Variants in PTPRD observed in about 807,000 individuals in gnomAD.
PTPRD encodes receptor-type tyrosine-protein phosphatase delta.
Under a neutral mutation model 214.5 loss-of-function variants are expected in PTPRD, and 34 were observed. That is an observed-to-expected ratio of 0.16 (90% CI 0.12 to 0.21). PTPRD has a LOEUF of 0.21. Among genes scored for constraint, PTPRD ranks in the 10% least tolerant of loss-of-function variants. The pLI is 1.00. For missense variants in PTPRD, 2,545 were observed against 2,398.7 expected, an observed-to-expected ratio of 1.06 and a Z score of -1.27; for synonymous variants, 1,128 against 845.7, an observed-to-expected ratio of 1.33 and a Z score of -5.79.
chr9:9,937,296 A>T (rs990780445), intron 5 of PTPRD, among the ~76,000 whole-genome samples: 10 of 151,572 alleles, frequency 6.6e-5, no homozygotes, highest in Admixed American at 2.0e-4. Context: ...TTTTTTCTCT[A>T]TATACACATA....
chr9:8,554,144 T>C (rs7857099), intron 14 of PTPRD, among the ~76,000 whole-genome samples: 78,713 of 151,890 alleles, frequency 0.52, 23,980 homozygotes, highest in African/African-American at 0.87. Context: ...GCCAAGATCA[T>C]GCCATTGCAT....
At chr9:10,006,186 A>G (rs1296404007) in intron 4 of PTPRD, among the ~76,000 whole-genome samples, 1 of 152,076 alleles carries the variant, frequency 6.6e-6, no homozygotes, top group Non-Finnish European at 1.5e-5. Flanking sequence ...ACCTGGAAAA[A>G]TAATCATACA....
intron 2 of PTPRD, among the ~76,000 whole-genome samples, chr9:10,491,562 T>A (rs1459216297): frequency 2.6e-5 from 4 of 151,906 alleles, no homozygotes; most frequent in Admixed American, 2.0e-4. Context: ...TGGTTAAAAT[T>A]ATAAAGGGCC....
At chr9:8,327,361 T>C (rs1259362351) in intron 44 of PTPRD, among the ~76,000 whole-genome samples, 2 of 151,820 alleles carry the variant, frequency 1.3e-5, no homozygotes, top group South Asian at 4.2e-4. Flanking sequence ...TTTTTTTAAA[T>C]CTTGAGTTCT....
chr9:8,962,900 T>C (rs550184004), intron 11 of PTPRD: 17 of 152,248 alleles, frequency 1.1e-4, no homozygotes, highest in African/African-American at 3.8e-4. Context: ...TGAATACTCC[T>C]TTAACCGGCA....
At chr9:8,707,246 T>G (rs576954279) in intron 12 of PTPRD, among the ~76,000 whole-genome samples, 1 of 152,184 alleles carries the variant, frequency 6.6e-6, no homozygotes, top group Non-Finnish European at 1.5e-5. Context: ...ACAAGGTCAC[T>G]TGAATAATTC....
intron 11 of PTPRD, among the ~76,000 whole-genome samples, chr9:8,870,553 C>T (rs12002381): frequency 0.093 from 14,164 of 152,124 alleles, 1,388 homozygotes; most frequent in African/African-American, 0.25. Context: ...GTAATGCCCT[C>T]GTGTGTAACA....
At chr9:9,601,778 T>C (rs2093787754) in intron 7 of PTPRD, among the ~76,000 whole-genome samples, 1 of 151,986 alleles carries the variant, frequency 6.6e-6, no homozygotes, top group African/African-American at 2.4e-5. Flanking sequence ...TTACAGCAGG[T>C]GGAGCAGACC....
intron 11 of PTPRD, among the ~76,000 whole-genome samples, chr9:8,814,886 T>A (rs2096888932): frequency 6.6e-6 from 1 of 152,340 alleles, no homozygotes; most frequent in East Asian, 1.9e-4. Context: ...GTTTTATTTA[T>A]AATGTGCATT....
intron 44 of PTPRD, among the ~76,000 whole-genome samples, chr9:8,324,403 A>G (rs1219158916): frequency 2.0e-5 from 3 of 152,152 alleles, no homozygotes; most frequent in African/African-American, 7.2e-5. Flanking sequence ...TTCCAGCTTC[A>G]TCCATGTCCC....
intron 11 of PTPRD, among the ~76,000 whole-genome samples, chr9:8,743,400 A>C (rs950921383): frequency 2.0e-5 from 3 of 152,204 alleles, no homozygotes; most frequent in African/African-American, 7.2e-5. Context: ...TATGGTTCCC[A>C]TGTCTCATGA....
At chr9:9,145,136 A>C (rs1367086200) in intron 10 of PTPRD, among the ~76,000 whole-genome samples, 1 of 152,164 alleles carries the variant, frequency 6.6e-6, no homozygotes, top group Non-Finnish European at 1.5e-5. Flanking sequence ...GTTTTTCCTT[A>C]AGAATCTAAG....
At chr9:10,363,996 T>TCTGTTGC (rs1555222208) in intron 2 of PTPRD, among the ~76,000 whole-genome samples, 1 of 98,632 alleles carries the variant, frequency 1.0e-5, no homozygotes, top group Non-Finnish European at 2.0e-5. Flanking sequence ...TTCGGGTTTT[T>TCTGTTGC]TTTTTTTTTT....
rs201927839 is a variant in PTPRD at position 10,461,058 on chromosome 9, T to A, written c.-599-120041A>T. On this transcript the variant is annotated intron_variant, in intron 2 of 45. Transcript: ENST00000381196. ...ACAACTTAATATAGTAAGAAATATA[T>A]AACCTGATTAAAAACTGGACAAAAG... 7.2e-5 allele frequency among the ~76,000 whole-genome samples: 11 copies of A among 152,090 alleles called. No individual in the cohort carries two copies. The East Asian group carries it at 1.9e-3, about 27-fold the overall frequency.
intron 8 of PTPRD, among the ~76,000 whole-genome samples, chr9:9,486,621 A>G (rs1589649794): frequency 6.6e-6 from 1 of 151,782 alleles, no homozygotes; most frequent in Non-Finnish European, 1.5e-5. Context: ...TCCCTCTCAT[A>G]GTCTTCAAAC....
rs1472997173 is a variant in PTPRD, at chr9:8,449,854, G to A, written c.3876-17C>T. The A allele has an allele frequency of 1.9e-6, 3 of 1,607,948 alleles. No individual in the cohort carries two copies. Among genetic ancestry groups the A allele is most frequent in the Admixed American group, 1.7e-5 (1 of 59,474 alleles). On this transcript the variant is annotated splice_polypyrimidine_tract_variant and intron_variant, in intron 33 of 45. Coordinates refer to ENST00000381196, the MANE Select transcript of PTPRD (RefSeq NM_002839.4). ...GCCCTCTTCCTATAGGGGGAAAATA[G>A]AAATTTAAGAAGAAAAGAAAAATCA...
intron 9 of PTPRD, among the ~76,000 whole-genome samples, chr9:9,359,438 ATCTC>A (rs2055131127): frequency 6.6e-6 from 1 of 151,186 alleles, no homozygotes; most frequent in African/African-American, 2.4e-5. Context: ...ATTTCTAACA[ATCTC>A]TCTCTTTTCA....
At chr9:9,080,011 T>C (rs924007144) in intron 10 of PTPRD, among the ~76,000 whole-genome samples, 2 of 152,082 alleles carry the variant, frequency 1.3e-5, no homozygotes, top group African/African-American at 4.8e-5. Flanking sequence ...TCCCGAACAT[T>C]CTAAATTCAG....
chr9:8,722,618 G>A lies in PTPRD; in HGVS notation c.64+11162C>T, dbSNP rs567872961. ...CTATTGCTGTAATTTTGACAAAATG[G>A]AAGCATATAGGGAAAAGCCCTATTG... On this transcript the variant is annotated intron_variant, in intron 12 of 45. Coordinates refer to ENST00000381196, the MANE Select transcript of PTPRD (RefSeq NM_002839.4). Among the ~76,000 whole-genome samples, 172 of 152,124 alleles carry A rather than the reference G, an allele frequency of 1.1e-3. 1 individual carries two copies. Among genetic ancestry groups the A allele is most frequent in the Middle Eastern group, 6.8e-3 (2 of 292 alleles).
Sources: gnomAD v4.1 joint callset for allele counts (sites outside exome capture counted in the v4.1 genomes callset) on GRCh38, gnomAD v4.1.1 for gene constraint, MANE v1.5 for transcripts, NCBI Gene and HGNC (gene_info 2026-07-23, HGNC 2026-07-21) for gene names.